Variants in PARD3 observed in about 807,000 individuals in gnomAD.
PARD3 encodes the protein par-3 family cell polarity regulator, also known as partitioning defective 3 homolog.
PARD3 carries 75 observed loss-of-function variants against 155.4 expected under a neutral mutation model. The ratio of observed to expected loss-of-function variants is 0.48; its 90% CI spans 0.40 to 0.58. The LOEUF is 0.58. Ranked by LOEUF, PARD3 falls within the 20% of genes least tolerant of loss-of-function variation. The probability of loss-of-function intolerance (pLI) is 0.00; values close to 1 mark genes in which losing one functional copy is unlikely to be tolerated. For synonymous variants in PARD3, 576 were observed against 610.5 expected, an observed-to-expected ratio of 0.94 and a Z score of 0.83; for missense variants, 1,642 against 1,721.7, an observed-to-expected ratio of 0.95 and a Z score of 0.82.
intron 1 of PARD3, among the ~76,000 whole-genome samples, chr10:34,701,742 G>A (rs570846632): frequency 6.6e-6 from 1 of 152,248 alleles, no homozygotes; most frequent in African/African-American, 2.4e-5. Context: ...AAAAAAACTG[G>A]AAAAATCACC....
At chr10:34,151,987 G>T (rs1044243051) in intron 22 of PARD3, among the ~76,000 whole-genome samples, 2 of 152,092 alleles carry the variant, frequency 1.3e-5, no homozygotes, top group African/African-American at 4.8e-5. Flanking sequence ...TTTGGCAAAT[G>T]AACATGCTAA....
At chr10:34,215,081 A>T (rs1008679537) in intron 22 of PARD3, among the ~76,000 whole-genome samples, 1 of 152,222 alleles carries the variant, frequency 6.6e-6, no homozygotes, top group Non-Finnish European at 1.5e-5. Flanking sequence ...AATTGCATTA[A>T]AAGATAAAAC....
At chr10:34,650,595 G>A (rs2092979267) in intron 2 of PARD3, among the ~76,000 whole-genome samples, 1 of 152,200 alleles carries the variant, frequency 6.6e-6, no homozygotes, top group African/African-American at 2.4e-5. Context: ...CAAAAACTGA[G>A]TCTTGAGGAT....
At chr10:34,388,200 G>C (rs1267395062) in intron 7 of PARD3, among the ~76,000 whole-genome samples, 2 of 152,160 alleles carry the variant, frequency 1.3e-5, no homozygotes, top group Non-Finnish European at 2.9e-5. Flanking sequence ...GAAGTTAGTA[G>C]CCTGCTGATT....
intron 14 of PARD3, among the ~76,000 whole-genome samples, chr10:34,350,030 C>A (rs1168700602): frequency 6.6e-6 from 1 of 152,188 alleles, no homozygotes; most frequent in African/African-American, 2.4e-5. Context: ...CCCTACCTCT[C>A]TACCCATATT....
intron 1 of PARD3, among the ~76,000 whole-genome samples, chr10:34,768,401 C>T (rs28655112): frequency 7.0e-6 from 1 of 142,424 alleles, no homozygotes; most frequent in African/African-American, 2.7e-5. Flanking sequence ...CGGGACAACT[C>T]GAAGCAAAGG....
intron 14 of PARD3, among the ~76,000 whole-genome samples, chr10:34,352,470 A>C (rs1252854000): frequency 2.0e-5 from 3 of 152,202 alleles, no homozygotes; most frequent in Non-Finnish European, 4.4e-5. Context: ...CTCAGCCTGC[A>C]GAGTGCCTGG....
chr10:34,486,809 C>T (rs1251373162), intron 3 of PARD3, among the ~76,000 whole-genome samples: 1 of 151,712 alleles, frequency 6.6e-6, no homozygotes, highest in African/African-American at 2.4e-5. Context: ...AGCAGCAGGG[C>T]TATGTCATAC....
At chr10:34,355,958 C>CA (rs1491326864) in intron 14 of PARD3, among the ~76,000 whole-genome samples, 1,391 of 115,668 alleles carry the variant, frequency 0.012, 34 homozygotes, top group Middle Eastern at 0.018. Context: ...AAAACAAAAC[C>CA]AAACAAAAAA....
intron 5 of PARD3, among the ~76,000 whole-genome samples, chr10:34,413,238 G>A (rs1322320772): frequency 3.3e-5 from 5 of 150,718 alleles, no homozygotes; most frequent in African/African-American, 4.9e-5. Context: ...AAAATAGGAC[G>A]GTAGGTATAT....
At chr10:34,202,247 A>C (rs1039768877) in intron 22 of PARD3, among the ~76,000 whole-genome samples, 5 of 152,076 alleles carry the variant, frequency 3.3e-5, no homozygotes, top group Admixed American at 3.3e-4. Context: ...TAATTTTTAA[A>C]TCTTTTATAA....
intron 1 of PARD3, among the ~76,000 whole-genome samples, chr10:34,743,803 C>G (rs778067849): frequency 2.6e-5 from 4 of 152,164 alleles, no homozygotes; most frequent in Non-Finnish European, 5.9e-5. Context: ...CAGGGTTGGT[C>G]TGAGAGCACA....
chr10:34,665,896 AGAACAGAACAAAAAG>A (rs1436871393), intron 2 of PARD3, among the ~76,000 whole-genome samples: 1 of 146,474 alleles, frequency 6.8e-6, no homozygotes, highest in East Asian at 2.0e-4. Flanking sequence ...AGAACAGAAC[AGAACAGAACAAAAAG>A]AAAAGAAAAG....
intron 2 of PARD3, among the ~76,000 whole-genome samples, chr10:34,524,425 C>T (rs992539858): frequency 2.6e-5 from 4 of 152,192 alleles, no homozygotes; most frequent in Admixed American, 1.3e-4. Flanking sequence ...AGCCCTGATG[C>T]TTACATTTCA....
chr10:34,733,754 C>A (rs1014773281), intron 1 of PARD3, among the ~76,000 whole-genome samples: 3 of 152,238 alleles, frequency 2.0e-5, no homozygotes, highest in African/African-American at 7.2e-5. Context: ...CTGGTGTTGG[C>A]CTCCCAAAGT....
rs1171168937 is a variant in PARD3 at position 34,651,955 on chromosome 10, CA to C, written c.222+44362del. Among the ~76,000 whole-genome samples, 4 of 152,302 alleles carry C rather than the reference CA, an allele frequency of 2.6e-5. No individual in the cohort carries two copies. In the East Asian group the frequency reaches 7.7e-4, roughly 29 times the overall value. Reference sequence around the variant, plus strand: ...CTGGCCCCTAAGAAGTTCCAAGAAGCAGGCACAGTATCTGTTCTTGCTTAAC... The same window carrying C: ...CTGGCCCCTAAGAAGTTCCAAGAAGCGGCACAGTATCTGTTCTTGCTTAAC... On this transcript the variant is annotated intron_variant, in intron 2 of 24. Transcript: ENST00000374788.
chr10:34,402,620 A>T (rs942319250), intron 5 of PARD3, among the ~76,000 whole-genome samples: 5 of 152,196 alleles, frequency 3.3e-5, no homozygotes, highest in South Asian at 2.1e-4. Flanking sequence ...CTAAAGTAAC[A>T]AAGTACTCAG....
chr10:34,596,176 T>C (rs191716682), intron 2 of PARD3, among the ~76,000 whole-genome samples: 269 of 152,216 alleles, frequency 1.8e-3, no homozygotes, highest in Middle Eastern at 0.017. Flanking sequence ...AGCATGCCTG[T>C]GGAAATAACT....
intron 2 of PARD3, among the ~76,000 whole-genome samples, chr10:34,598,981 G>A (rs977385983): frequency 6.6e-6 from 1 of 152,016 alleles, no homozygotes; most frequent in Non-Finnish European, 1.5e-5. Context: ...TGCCAGTGTG[G>A]ATACCTCTCC....
Sources: allele counts gnomAD v4.1 joint callset (sites outside exome capture counted in the v4.1 genomes callset), GRCh38; gene constraint gnomAD v4.1.1; transcripts MANE v1.5; gene names NCBI Gene and HGNC (gene_info 2026-07-23, HGNC 2026-07-21).